Variants in MAGI2 observed in about 807,000 individuals in gnomAD.
MAGI2 encodes the protein membrane-associated guanylate kinase, WW and PDZ domain-containing protein 2.
A neutral mutation model predicts 133.3 loss-of-function variants in MAGI2; 35 were observed. That is an observed-to-expected ratio of 0.26 (90% CI 0.20 to 0.35). The LOEUF (loss-of-function observed/expected upper bound fraction) is 0.35, where lower values mean the gene tolerates loss of function less well. MAGI2 is among the 10% of genes least tolerant of loss of function. The pLI is 1.00. For missense variants in MAGI2, 1,636 were observed against 1,863.4 expected (o/e 0.88, Z 2.25); for synonymous variants, 729 against 710.6 (o/e 1.03, Z -0.41).
intron 2 of MAGI2, among the ~76,000 whole-genome samples, chr7:78,667,870 T>C (rs1440253013): frequency 1.3e-5 from 2 of 152,184 alleles, no homozygotes; most frequent in South Asian, 2.1e-4. Flanking sequence ...TGTGTCTTCA[T>C]AGCAGCATGA....
chr7:78,105,174 C>T (rs754954631), intron 20 of MAGI2, among the ~76,000 whole-genome samples: 7 of 152,010 alleles, frequency 4.6e-5, no homozygotes, highest in Non-Finnish European at 8.8e-5. Flanking sequence ...CTGGCGTTAA[C>T]GTATATTACT....
chr7:79,368,847 CAAAAA>C (rs71095400), intron 1 of MAGI2, among the ~76,000 whole-genome samples: 3 of 75,348 alleles, frequency 4.0e-5, no homozygotes, highest in African/African-American at 8.2e-5. Context: ...GACTCCGTCT[CAAAAA>C]AAAAAAAAAA....
At chr7:78,448,769 C>G (rs10485890) in intron 6 of MAGI2, among the ~76,000 whole-genome samples, 9,099 of 152,070 alleles carry the variant, frequency 0.06, 354 homozygotes, top group Non-Finnish European at 0.078. Context: ...TATGCGCACA[C>G]TGAAACATAC....
intron 2 of MAGI2, among the ~76,000 whole-genome samples, chr7:78,653,918 G>T (rs1445205741): frequency 6.6e-6 from 1 of 152,068 alleles, no homozygotes; most frequent in African/African-American, 2.4e-5. Context: ...TAAATGCAAG[G>T]AATGTGCAAG....
intron 2 of MAGI2, among the ~76,000 whole-genome samples, chr7:78,871,737 A>T (rs73369491): frequency 0.038 from 5,781 of 152,234 alleles, 378 homozygotes; most frequent in African/African-American, 0.13. Flanking sequence ...TGATGGAAAA[A>T]AAAGAGTTAC....
At chr7:79,423,043 G>A (rs1049798170) in intron 1 of MAGI2, among the ~76,000 whole-genome samples, 8 of 151,912 alleles carry the variant, frequency 5.3e-5, no homozygotes, top group South Asian at 2.1e-4. Flanking sequence ...ACAAGATTGC[G>A]TTACATGGCT....
At chr7:78,646,727 TC>T (rs1218071378) in intron 2 of MAGI2, among the ~76,000 whole-genome samples, 1 of 152,236 alleles carries the variant, frequency 6.6e-6, no homozygotes, top group African/African-American at 2.4e-5. Context: ...TTTGCCTGCA[TC>T]AAGCAGCCAA....
At chr7:79,026,746 T>C (rs1372986626) in intron 1 of MAGI2, among the ~76,000 whole-genome samples, 3 of 151,930 alleles carry the variant, frequency 2.0e-5, no homozygotes, top group Non-Finnish European at 4.4e-5. Context: ...TGTTGGTGCA[T>C]GCCTGTAGTC....
At chr7:78,629,610 A>G (rs1333053395) in intron 2 of MAGI2, among the ~76,000 whole-genome samples, 1 of 152,184 alleles carries the variant, frequency 6.6e-6, no homozygotes, top group Non-Finnish European at 1.5e-5. Flanking sequence ...TACTGACAGC[A>G]GTTGCTATAA....
rs1405428325 is a variant in MAGI2 at position 79,244,003 on chromosome 7, G to C, written c.301+209017C>G. Among the ~76,000 whole-genome samples the C allele has an allele frequency of 2.0e-5, 3 of 151,878 alleles. No individual in the cohort carries two copies. In the East Asian group the frequency reaches 5.8e-4, roughly 29 times the overall value. ...CATCCTCTGTAGCCCTCAGCCTTTG[G>C]TGGAAGAAACGAAAGAAAAAAAAAG... On this transcript the variant is annotated intron_variant, in intron 1 of 21. Coordinates refer to ENST00000354212, the MANE Select transcript of MAGI2 (RefSeq NM_012301.4).
intron 1 of MAGI2, among the ~76,000 whole-genome samples, chr7:79,241,677 G>A (rs1000105607): frequency 6.6e-6 from 1 of 152,144 alleles, no homozygotes; most frequent in Non-Finnish European, 1.5e-5. Flanking sequence ...GCTATGGGAG[G>A]TGCCTTTCAT....
intron 1 of MAGI2, among the ~76,000 whole-genome samples, chr7:79,115,530 C>T (rs1049093889): frequency 4.6e-5 from 7 of 152,096 alleles, no homozygotes; most frequent in Non-Finnish European, 7.4e-5. Flanking sequence ...GAAAAATCTG[C>T]TCCTATCTGG....
chr7:78,958,705 A>G (rs1802606651), intron 2 of MAGI2, among the ~76,000 whole-genome samples: 1 of 152,104 alleles, frequency 6.6e-6, no homozygotes, highest in African/African-American at 2.4e-5. Flanking sequence ...TCGTTGGTCA[A>G]TGAATGGGGT....
intron 1 of MAGI2, among the ~76,000 whole-genome samples, chr7:79,107,520 C>A (rs571752653): frequency 2.0e-4 from 30 of 152,256 alleles, no homozygotes; most frequent in African/African-American, 7.0e-4. Flanking sequence ...CTGTGATGCA[C>A]AAAAATTATG....
At position 79,145,991 on chromosome 7, in the gene MAGI2, C is replaced by T. The variant is rs140695239; in HGVS notation, c.302-138785G>A. Among the ~76,000 whole-genome samples the T allele has an allele frequency of 2.0e-3, 297 of 152,260 alleles. 4 individuals are homozygous for T. The highest frequency in any genetic ancestry group is 6.9e-3 in the African/African-American group (288 of 41,556). ...TTCAAGGACTAATAAACCCAGTTAC[C>T]ATGCCCTCATTTTTGTTATTCCCAA... On this transcript the variant is annotated intron_variant, in intron 1 of 21. Coordinates refer to ENST00000354212, the MANE Select transcript of MAGI2 (RefSeq NM_012301.4).
chr7:78,357,574 C>T (rs769328733), intron 7 of MAGI2, among the ~76,000 whole-genome samples: 9 of 152,134 alleles, frequency 5.9e-5, no homozygotes, highest in Admixed American at 2.0e-4. Context: ...AATGGAGGGG[C>T]CCTGTCAACC....
chr7:78,876,192 G>A lies in MAGI2; in HGVS notation c.418+130898C>T, dbSNP rs531485168. On this transcript the variant is annotated intron_variant, in intron 2 of 21. Coordinates refer to ENST00000354212, the MANE Select transcript of MAGI2 (RefSeq NM_012301.4). Reference sequence around the variant, plus strand: ...AAAAAAATTAGCCAGGTGTGGTGGTGGGCACCTGTAATCCCAGCTACTCAG... The same window carrying A: ...AAAAAAATTAGCCAGGTGTGGTGGTAGGCACCTGTAATCCCAGCTACTCAG... Among the ~76,000 whole-genome samples the A allele has an allele frequency of 2.0e-5, 3 of 151,702 alleles. 1 individual carries two copies. Among genetic ancestry groups the A allele is most frequent in the African/African-American group, 7.3e-5 (3 of 41,360 alleles).
chr7:78,057,842 C>T (rs1812753000), intron 21 of MAGI2, among the ~76,000 whole-genome samples: 1 of 151,424 alleles, frequency 6.6e-6, no homozygotes, highest in African/African-American at 2.4e-5. Context: ...ACTTTGAAAA[C>T]AAGCTAAAGA....
intron 2 of MAGI2, among the ~76,000 whole-genome samples, chr7:78,709,278 A>T (rs1437295731): frequency 2.7e-5 from 4 of 150,718 alleles, no homozygotes; most frequent in Non-Finnish European, 5.9e-5. Flanking sequence ...TGCAACATAC[A>T]CACCCCCACC....
Sources: allele counts gnomAD v4.1 joint callset (sites outside exome capture counted in the v4.1 genomes callset), GRCh38; gene constraint gnomAD v4.1.1; transcripts MANE v1.5; gene names NCBI Gene and HGNC (gene_info 2026-07-23, HGNC 2026-07-21).